TEX9: variants seen among roughly 807,000 people sequenced by gnomAD.
TEX9 encodes testis expressed 9.
A neutral mutation model predicts 59.6 loss-of-function variants in TEX9; 74 were observed. The observed-to-expected ratio is 1.24, with a 90% CI of 1.03 to 1.51. TEX9 has a LOEUF of 1.51. Ranked by LOEUF, TEX9 falls within the 40% of genes most tolerant of loss-of-function variation. The pLI is 0.00. For synonymous variants in TEX9, 186 were observed against 152.2 expected, an observed-to-expected ratio of 1.22 and a Z score of -1.64; for missense variants, 522 against 447.8, an observed-to-expected ratio of 1.17 and a Z score of -1.49.
chr15:56,450,218 G>T (rs2140368705), downstream of TEX9, among the ~76,000 whole-genome samples: 1 of 152,060 alleles, frequency 6.6e-6, no homozygotes, highest in South Asian at 2.1e-4. Context: ...CCACAAGTTG[G>T]TTTCTTTTTT....
At chr15:56,388,565 C>T in intron 5 of TEX9, 45 bp downstream of exon 5, 1 of 1,531,126 alleles carries the variant, frequency 6.5e-7, no homozygotes, top group Non-Finnish European at 9.0e-7. Flanking sequence ...TTCTGTAGAA[C>T]TCCGGATATT....
At chr15:56,313,757 C>T (rs1335646469) in intron 1 of TEX9, among the ~76,000 whole-genome samples, 24 of 135,684 alleles carry the variant, frequency 1.8e-4, no homozygotes, top group African/African-American at 5.1e-4. Context: ...TGGTAGAATT[C>T]GGCTGTGAAT....
chr15:56,330,295 C>A (rs1351240329), intron 1 of TEX9, among the ~76,000 whole-genome samples: 1 of 152,048 alleles, frequency 6.6e-6, no homozygotes, highest in Non-Finnish European at 1.5e-5. Context: ...GTACTTCAAT[C>A]TGAAAGAAAA....
chr15:56,456,956 G>A, the TEX9 span, among the ~76,000 whole-genome samples: 16 of 152,098 alleles, frequency 1.1e-4, no homozygotes, highest in East Asian at 5.8e-4. Context: ...TCATCAACAC[G>A]TCTAATTAAC....
chr15:56,420,724 C>A (rs539593911), intron 10 of TEX9, among the ~76,000 whole-genome samples: 2 of 151,876 alleles, frequency 1.3e-5, no homozygotes, highest in African/African-American at 2.4e-5. Flanking sequence ...TAGCTACTTC[C>A]CACCAAATTT....
downstream of TEX9, among the ~76,000 whole-genome samples, chr15:56,447,962 G>A (rs12050881): frequency 0.093 from 14,136 of 152,114 alleles, 1,331 homozygotes; most frequent in East Asian, 0.36. Flanking sequence ...TCCATTTATT[G>A]CATATAGTAA....
chr15:56,305,798 T>C (rs1199539897), intron 1 of TEX9, among the ~76,000 whole-genome samples: 1 of 152,118 alleles, frequency 6.6e-6, no homozygotes, highest in African/African-American at 2.4e-5. Flanking sequence ...AAAAAGCTTC[T>C]TGTAGCAAAG....
At chr15:56,351,898 G>T (rs1314748412) in intron 1 of TEX9, among the ~76,000 whole-genome samples, 1 of 152,094 alleles carries the variant, frequency 6.6e-6, no homozygotes, top group Non-Finnish European at 1.5e-5. Context: ...TCTACAAAAT[G>T]CTTTATTTTG....
chr15:56,399,239 A>G (rs543195104), intron 9 of TEX9, among the ~76,000 whole-genome samples: 3 of 152,296 alleles, frequency 2.0e-5, no homozygotes, highest in East Asian at 3.9e-4. Flanking sequence ...ACCTGGAAAA[A>G]TGGGACACTT....
chr15:56,314,564 T>G (rs1210352563), intron 1 of TEX9, among the ~76,000 whole-genome samples: 19 of 151,196 alleles, frequency 1.3e-4, no homozygotes, highest in African/African-American at 4.4e-4. Flanking sequence ...AGAGCTTTAC[T>G]TCCAACTATG....
chr15:56,387,244 A>G (rs776324477), intron 4 of TEX9, among the ~76,000 whole-genome samples: 2 of 151,912 alleles, frequency 1.3e-5, no homozygotes, highest in Non-Finnish European at 2.9e-5. Context: ...ATAACCCTTA[A>G]ATGTCTTTTG....
intron 10 of TEX9, among the ~76,000 whole-genome samples, chr15:56,419,226 T>C (rs2049851672): frequency 6.6e-6 from 1 of 151,884 alleles, no homozygotes. Context: ...CAATTTATGT[T>C]TGCATATTGA....
At chr15:56,264,617 T>A (rs2044339268) in intron 1 of TEX9, among the ~76,000 whole-genome samples, 1 of 152,232 alleles carries the variant, frequency 6.6e-6, no homozygotes, top group Non-Finnish European at 1.5e-5. Context: ...TATCAGTTTT[T>A]GCTTTTATGG....
the TEX9 span, among the ~76,000 whole-genome samples, chr15:56,455,886 G>A: frequency 3.9e-5 from 6 of 152,122 alleles, no homozygotes; most frequent in African/African-American, 1.4e-4. Context: ...CATTTAGTGC[G>A]TTCATATATG....
At chr15:56,325,213 T>G (rs12593453) in intron 1 of TEX9, among the ~76,000 whole-genome samples, 8,995 of 152,236 alleles carry the variant, frequency 0.059, 680 homozygotes, top group East Asian at 0.37. Flanking sequence ...ATAGTCCGCT[T>G]ATTTATGGAG....
intron 1 of TEX9, among the ~76,000 whole-genome samples, chr15:56,277,320 G>A (rs1325842303): frequency 1.3e-5 from 2 of 152,156 alleles, no homozygotes; most frequent in African/African-American, 4.8e-5. Context: ...TTACGTTTAA[G>A]CCTTTAATCC....
At chr15:56,458,637 C>CAACTT in the TEX9 span, among the ~76,000 whole-genome samples, 1 of 152,164 alleles carries the variant, frequency 6.6e-6, no homozygotes, top group South Asian at 2.1e-4. Context: ...ATCCTAAAAA[C>CAACTT]AACTTACATT....
intron 4 of TEX9, among the ~76,000 whole-genome samples, chr15:56,384,740 T>C (rs1223903071): frequency 6.6e-6 from 1 of 152,160 alleles, no homozygotes; most frequent in Admixed American, 6.5e-5. Context: ...ATTAATATTA[T>C]GTAGTGGCAA....
intron 1 of TEX9, chr15:56,323,599 CA>C (rs34918435): frequency 6.4e-6 from 1 of 155,878 alleles, no homozygotes; most frequent in Non-Finnish European, 1.4e-5. Flanking sequence ...CCTGATGCAG[CA>C]AAAAAACGGG....
Sources: allele counts gnomAD v4.1 joint callset (sites outside exome capture counted in the v4.1 genomes callset), GRCh38; gene constraint gnomAD v4.1.1; transcripts MANE v1.5; gene names NCBI Gene and HGNC (gene_info 2026-07-23, HGNC 2026-07-21).